CPT1A: variants seen among roughly 807,000 people sequenced by gnomAD.
CPT1A encodes the protein carnitine palmitoyltransferase 1A.
CPT1A carries 64 observed loss-of-function variants against 100.8 expected under a neutral mutation model. The ratio of observed to expected loss-of-function variants is 0.63; its 90% CI spans 0.52 to 0.78. The LOEUF (loss-of-function observed/expected upper bound fraction) is 0.78. Ranked by LOEUF, CPT1A falls within the 30% of genes least tolerant of loss-of-function variation. CPT1A has a pLI of 0.00. For missense variants in CPT1A, 802 were observed against 1,034.1 expected (o/e 0.78, Z 3.08); for synonymous variants, 363 against 396.0 (o/e 0.92, Z 0.99).
At chr11:68,788,867 T>C (rs976723002) in intron 9 of CPT1A, among the ~76,000 whole-genome samples, 1 of 152,020 alleles carries the variant, frequency 6.6e-6, no homozygotes, top group Non-Finnish European at 1.5e-5. Context: ...GTTGGTAAAA[T>C]CACTTTGAGG....
intron 9 of CPT1A, 22 bp from the exon 10 acceptor site, chr11:68,785,032 G>A: frequency 6.2e-7 from 1 of 1,611,420 alleles, no homozygotes; most frequent in Non-Finnish European, 8.5e-7. Flanking sequence ...GCAGGTTGGA[G>A]ACACAAAACC....
Position 68,775,429 on chromosome 11 carries a change from C to T in CPT1A, c.1462G>A (p.Val488Ile), listed in dbSNP as rs751678047. 1.1e-5 allele frequency: 17 copies of T among 1,611,478 alleles called. No individual in the cohort carries two copies. Among genetic ancestry groups the T allele is most frequent in the African/African-American group, 8.0e-5 (6 of 74,870 alleles). Residue 488 changes from valine (V) to isoleucine (I), a missense_variant, in exon 13 of 19, where the codon GTC becomes ATC. Around this residue, in one of 4 missense-constraint regions of CPT1A, gnomAD observed 627 missense variants for 799.3 expected, o/e 0.78. Transcript: ENST00000265641. The part of the protein sequence containing the change: ...APIVAHLWEY[V>I]MSIDSLQLGY... ...AGCTGGAGGCTGTCAATGGACATGA[C>T]GTACTGTCAAAAATAGAACAAAATT...
In CPT1A at chr11:68,803,105, C is replaced by G. The variant is rs1037877346; in HGVS notation, c.555+895G>C. On this transcript the variant is annotated intron_variant, in intron 5 of 18. Coordinates refer to ENST00000265641, the MANE Select transcript of CPT1A (RefSeq NM_001876.4). ...TGACCCTCACCAATCAGATCAAAAA[C>G]ATTCGCCACCCAGCAACAGATGAAC... 7.2e-5 allele frequency among the ~76,000 whole-genome samples: 11 copies of G among 152,280 alleles called. No homozygotes were observed. In the South Asian group the frequency reaches 2.3e-3, roughly 32 times the overall value.
At chr11:68,796,961 C>T (rs775913833) in intron 6 of CPT1A, 28 bp from the exon 7 acceptor site, 25 of 1,611,916 alleles carry the variant, frequency 1.6e-5, no homozygotes, top group East Asian at 2.2e-5. Context: ...CAGACAAACC[C>T]GCAGGCTCAG....
intron 14 of CPT1A, 132 bp downstream of exon 14, chr11:68,773,133 C>G (rs1224580660): frequency 2.7e-6 from 4 of 1,501,120 alleles, no homozygotes; most frequent in Non-Finnish European, 3.5e-6. Context: ...CCCCCGGAGA[C>G]CGGGGTCGGG....
intron 3 of CPT1A, among the ~76,000 whole-genome samples, chr11:68,809,616 C>T (rs534359200): frequency 2.0e-5 from 3 of 152,202 alleles, no homozygotes; most frequent in African/African-American, 7.2e-5. Flanking sequence ...TACAGGCCAC[C>T]GCACCCAGCC....
intron 6 of CPT1A, among the ~76,000 whole-genome samples, chr11:68,797,415 A>C (rs942005215): frequency 6.6e-6 from 1 of 152,208 alleles, no homozygotes; most frequent in Admixed American, 6.5e-5. Flanking sequence ...TCACACCTGT[A>C]ATCTCAGCAC....
chr11:68,778,506 C>A (rs536089787), intron 12 of CPT1A, among the ~76,000 whole-genome samples: 1 of 151,930 alleles, frequency 6.6e-6, no homozygotes, highest in Admixed American at 6.6e-5. Context: ...GAGGCCAAGG[C>A]GGGTGGATCA....
At chr11:68,827,474 C>A (rs940773821) in intron 1 of CPT1A, among the ~76,000 whole-genome samples, 1 of 152,172 alleles carries the variant, frequency 6.6e-6, no homozygotes, top group Non-Finnish European at 1.5e-5. Flanking sequence ...CTCCTGGAAT[C>A]AACAAATTTA....
At chr11:68,761,091 A>G (rs959287420) in intron 16 of CPT1A, among the ~76,000 whole-genome samples, 1 of 150,090 alleles carries the variant, frequency 6.7e-6, no homozygotes, top group African/African-American at 2.5e-5. Flanking sequence ...AGTGGTGCAC[A>G]TCAGCTACTC....
At chr11:68,758,594 TA>T (rs1419670080) in intron 18 of CPT1A, among the ~76,000 whole-genome samples, 7 of 151,712 alleles carry the variant, frequency 4.6e-5, no homozygotes, top group African/African-American at 9.7e-5. Context: ...GTAAACATGT[TA>T]AACCAAATTA....
At chr11:68,790,000 C>A (rs1855570236) in intron 9 of CPT1A, among the ~76,000 whole-genome samples, 2 of 152,082 alleles carry the variant, frequency 1.3e-5, no homozygotes, top group Admixed American at 1.3e-4. Flanking sequence ...CTGTTTCTAC[C>A]CAAAAGATAT....
chr11:68,765,130 C>T (rs745868430), intron 14 of CPT1A, among the ~76,000 whole-genome samples: 9 of 152,162 alleles, frequency 5.9e-5, no homozygotes, highest in African/African-American at 1.7e-4. Flanking sequence ...ACTTCATAGG[C>T]GCTCACAATG....
intron 15 of CPT1A, 66 bp downstream of exon 15, chr11:68,762,561 G>T: frequency 6.3e-7 from 1 of 1,587,556 alleles, no homozygotes; most frequent in Middle Eastern, 2.0e-4. Context: ...CTGGAGTGAT[G>T]GCCTCCAGAA....
chr11:68,831,839 A>C (rs556206511), intron 1 of CPT1A, among the ~76,000 whole-genome samples: 1 of 151,904 alleles, frequency 6.6e-6, no homozygotes, highest in South Asian at 2.1e-4. Flanking sequence ...TACCATGTTG[A>C]CCAGGCTGGT....
chr11:68,840,812 C>T (rs747953996), intron 1 of CPT1A, among the ~76,000 whole-genome samples: 3 of 152,224 alleles, frequency 2.0e-5, no homozygotes, highest in African/African-American at 7.2e-5. Flanking sequence ...GGGGCTGCCC[C>T]GCGTGGCCCT....
At chr11:68,838,486 C>T (rs1857067427) in intron 1 of CPT1A, among the ~76,000 whole-genome samples, 1 of 139,970 alleles carries the variant, frequency 7.1e-6, no homozygotes, top group East Asian at 2.1e-4. Flanking sequence ...ATATCCTGTA[C>T]ATGTCGTCAA....
At position 68,784,996 on chromosome 11, in the gene CPT1A, T is replaced by A; in HGVS notation, c.982A>T (p.Met328Leu). 1 of 1,613,808 alleles carries A rather than the reference T, an allele frequency of 6.2e-7. No homozygotes were observed. Among genetic ancestry groups the A allele is most frequent in the Non-Finnish European group, 8.5e-7 (1 of 1,180,016 alleles). ...ACGACGATGTGCTTGCTGTCTCTCA[T>A]GTGCTGGATGGTGTCTGAGCCGGCC... Reference protein sequence around the residue: ...PGEETDTIQHMRDSKHIVVYH... With the variant: ...PGEETDTIQHLRDSKHIVVYH... The change falls in exon 10 of 19, where the codon ATG becomes TTG. Residue 328 changes from methionine to leucine, a missense_variant. Physicochemically the swap from Met to Leu is conservative, Grantham distance 15 (BLOSUM62 2). Around this residue, in one of 4 missense-constraint regions of CPT1A, gnomAD observed 627 missense variants for 799.3 expected, o/e 0.78. Coordinates refer to ENST00000265641, the MANE Select transcript of CPT1A (RefSeq NM_001876.4).
intron 1 of CPT1A, among the ~76,000 whole-genome samples, chr11:68,837,518 G>A (rs140615135): frequency 6.6e-6 from 1 of 152,256 alleles, no homozygotes; most frequent in African/African-American, 2.4e-5. Context: ...ACGTGGTCTC[G>A]GGTCCAGATG....
Sources: gnomAD v4.1 joint callset for allele counts (sites outside exome capture counted in the v4.1 genomes callset) on GRCh38, gnomAD v4.1.1 for gene constraint, gnomAD v4.1.1 regional missense constraint, MANE v1.5 for transcripts, NCBI Gene and HGNC (gene_info 2026-07-23, HGNC 2026-07-21) for gene names.